ZNF518A: variants seen among roughly 807,000 people sequenced by gnomAD.
The protein encoded by ZNF518A is zinc finger protein 518A.
Under a neutral mutation model 102.7 loss-of-function variants are expected in ZNF518A, and 47 were observed. That is an observed-to-expected ratio of 0.46 (90% CI 0.36 to 0.58). ZNF518A has a LOEUF of 0.58. Among genes scored for constraint, ZNF518A ranks in the 20% least tolerant of loss-of-function variants. ZNF518A has a pLI of 0.00. For missense variants in ZNF518A, 1,793 were observed against 1,699.8 expected, an observed-to-expected ratio of 1.05 and a Z score of -0.96; for synonymous variants, 652 against 594.6, an observed-to-expected ratio of 1.10 and a Z score of -1.40.
intron 1 of ZNF518A, chr10:96,130,964 A>C (rs1169988538): frequency 6.6e-6 from 1 of 152,262 alleles, no homozygotes; most frequent in Non-Finnish European, 1.5e-5. Context: ...AAGTGGACCG[A>C]TCAAACAGAT....
At position 96,151,464 on chromosome 10, in the gene ZNF518A, A is replaced by C. The variant is rs1432536832; in HGVS notation, c.-301-3862A>C. 3 of 152,238 alleles carry C rather than the reference A, an allele frequency of 2.0e-5. No individual in the cohort carries two copies. The East Asian group carries it at 5.8e-4, about 29-fold the overall frequency. The allele number at this position is 152,238 out of a possible 1,614,324, so 9.4% of individuals were successfully genotyped here. A position where few individuals can be genotyped will look rare whatever the true frequency, so the allele number is the denominator to read the frequency against. ...TGTCTGGCCTCTGGATCTAGCTTGA[A>C]GTTCTGGATTCATTTCCTTCTTCCT... On this transcript the variant is annotated intron_variant, in intron 3 of 5. Transcript: ENST00000316045.
At chr10:96,182,755 G>A (rs782482716) in intron 1 of ZNF518A, among the ~76,000 whole-genome samples, 2 of 152,240 alleles carry the variant, frequency 1.3e-5, no homozygotes, top group South Asian at 2.1e-4. Context: ...TTTTTGCATC[G>A]ATATTCATCA....
In ZNF518A at chr10:96,175,877, C is replaced by CCCTTCCTT. The variant is rs782226974; in HGVS notation, n.35+19883_35+19890dup. Reference sequence around the variant, plus strand: ...GTATTCCCTCCCTGCCTCCCTCCCTCCCTTCCTTCCTTCCTTCCTTCCTTC... The same window carrying CCCTTCCTT: ...GTATTCCCTCCCTGCCTCCCTCCCTCCCTTCCTTCCTTCCTTCCTTCCTTCCTTCCTTC... On this transcript the variant is annotated intron_variant and non_coding_transcript_variant, in intron 1 of 2. Transcript: ENST00000442635. Among the ~76,000 whole-genome samples, 246 of 49,686 alleles carry CCCTTCCTT rather than the reference C, an allele frequency of 5.0e-3. 2 individuals are homozygous for CCCTTCCTT. The highest frequency in any genetic ancestry group is 0.012 in the African/African-American group (222 of 18,054). 32.6% of individuals were successfully genotyped at this position (49,686 alleles called of 152,430 possible).
At chr10:96,136,343 T>G (rs1384576577) in intron 3 of ZNF518A, among the ~76,000 whole-genome samples, 1 of 150,852 alleles carries the variant, frequency 6.6e-6, no homozygotes, top group African/African-American at 2.4e-5. Flanking sequence ...TTTATAAATA[T>G]GTATATATAA....
At chr10:96,201,381 C>A (rs1467940980) in intron 1 of ZNF518A, among the ~76,000 whole-genome samples, 3 of 152,154 alleles carry the variant, frequency 2.0e-5, no homozygotes, top group Non-Finnish European at 2.9e-5. Context: ...GTTGCAGTAA[C>A]ATACATTAAA....
Position 96,170,743 on chromosome 10 carries a change from C to A in ZNF518A, n.35+14696C>A, listed in dbSNP as rs78591058. Among the ~76,000 whole-genome samples the A allele has an allele frequency of 1.8e-3, 272 of 152,090 alleles. 1 individual carries two copies. Among genetic ancestry groups the A allele is most frequent in the Non-Finnish European group, 3.0e-3 (206 of 67,996 alleles). ...ACATTATAGATAAATTTAACTTCAT[C>A]GAAATTTGAAAAATATTGCTTCAAT... On this transcript the variant is annotated intron_variant and non_coding_transcript_variant, in intron 1 of 2. Transcript: ENST00000442635.
chr10:96,157,299 C>A lies in ZNF518A; in HGVS notation c.977C>A (p.Thr326Lys). 1.2e-6 allele frequency: 2 copies of A among 1,612,140 alleles called. No homozygotes were observed. Among genetic ancestry groups the A allele is most frequent in the Middle Eastern group, 1.6e-4 (1 of 6,062 alleles). The change falls in exon 6 of 6, where the codon ACG becomes AAG. Residue 326 changes from threonine (T) to lysine (K), a missense_variant. Physicochemically the swap from Thr to Lys is moderately conservative, Grantham distance 78 (BLOSUM62 -1). Transcript: ENST00000316045. ...TATAAAATAGGTGCATCAAGGAAGA[C>A]GTTCTGGAAACGTAAGAAAATTAAC... is the stretch of plus-strand genomic sequence containing the variant. ...KRYKIGASRK[T>K]FWKRKKINSG...
chr10:96,191,831 A>T, intron 1 of ZNF518A: 1 of 1,112,252 alleles, frequency 9.0e-7, no homozygotes, highest in East Asian at 2.4e-5. Context: ...GAAATGGATG[A>T]CCACTTCAAT....
In ZNF518A at chr10:96,161,483, G is replaced by T; in HGVS notation, c.*709G>T. On this transcript the variant is annotated 3_prime_UTR_variant, in exon 6 of 6. Coordinates refer to ENST00000316045, the MANE Select transcript of ZNF518A (RefSeq NM_001330736.2). ...TTGCAGTAGATGGGCAGCTTCAAGAGAAGAATTTAAACTCTTTGTCTCATT... is the reference window on the plus strand; with the variant it reads ...TTGCAGTAGATGGGCAGCTTCAAGATAAGAATTTAAACTCTTTGTCTCATT... The T allele has an allele frequency of 6.0e-6, 1 of 166,890 alleles. No individual in the cohort carries two copies. 10.3% of individuals were successfully genotyped at this position (166,890 alleles called of 1,614,324 possible).
downstream of ZNF518A, among the ~76,000 whole-genome samples, chr10:96,163,928 A>G (rs587655881): frequency 6.6e-6 from 1 of 152,204 alleles, no homozygotes; most frequent in Non-Finnish European, 1.5e-5. Context: ...TAAAATATGT[A>G]TATAAAGTTT....
intron 3 of ZNF518A, among the ~76,000 whole-genome samples, chr10:96,146,875 C>T (rs1345445442): frequency 2.6e-5 from 4 of 152,188 alleles, no homozygotes. Context: ...GAAAAGGTAA[C>T]AGTGCCACTA....
At chr10:96,191,235 C>CTT (rs34920263) in intron 1 of ZNF518A, among the ~76,000 whole-genome samples, 44,510 of 129,950 alleles carry the variant, frequency 0.34, 8,294 homozygotes, top group Middle Eastern at 0.42. Context: ...CATTAAACCT[C>CTT]TTTTTTTTTT....
chr10:96,195,762 T>C (rs1265588694), intron 1 of ZNF518A, among the ~76,000 whole-genome samples: 1 of 152,248 alleles, frequency 6.6e-6, no homozygotes, highest in Non-Finnish European at 1.5e-5. Context: ...TACTGAGCTG[T>C]ACACTTAAAA....
downstream of ZNF518A, among the ~76,000 whole-genome samples, chr10:96,165,935 G>T (rs1012385934): frequency 6.6e-6 from 1 of 152,174 alleles, no homozygotes; most frequent in Non-Finnish European, 1.5e-5. Context: ...GCATGACTCA[G>T]TCGAAGTCCA....
rs187724384 is a variant in ZNF518A, at chr10:96,132,416, T to G, written c.-452-170T>G. Among the ~76,000 whole-genome samples, 15 of 152,092 alleles carry G rather than the reference T, an allele frequency of 9.9e-5. No homozygotes were observed. In the East Asian group the frequency reaches 2.9e-3, roughly 29 times the overall value. ...GCTTTAGGTTGTGACTTTTGCAAAT[T>G]TGTGACATGTTATCACTGGTCATCA... On this transcript the variant is annotated intron_variant, in intron 1 of 5. Coordinates refer to ENST00000316045, the MANE Select transcript of ZNF518A (RefSeq NM_001330736.2).
chr10:96,148,576 T>C (rs1273159117), intron 3 of ZNF518A, among the ~76,000 whole-genome samples: 1 of 136,362 alleles, frequency 7.3e-6, no homozygotes, highest in African/African-American at 2.8e-5. Context: ...GCCTGTCTGC[T>C]TGTGTCTCAG....
intron 3 of ZNF518A, among the ~76,000 whole-genome samples, chr10:96,144,618 T>C (rs2082087093): frequency 6.6e-6 from 1 of 152,118 alleles, no homozygotes; most frequent in South Asian, 2.1e-4. Flanking sequence ...GGTTGTAAGG[T>C]CTAAAAATCT....
At chr10:96,166,108 A>G (rs2083138494), downstream of ZNF518A, among the ~76,000 whole-genome samples, 1 of 152,150 alleles carries the variant, frequency 6.6e-6, no homozygotes, top group Non-Finnish European at 1.5e-5. Flanking sequence ...CTCCTGGGGT[A>G]TGGCGTTAGG....
chr10:96,181,117 G>C (rs1186014872), intron 1 of ZNF518A, among the ~76,000 whole-genome samples: 2 of 152,196 alleles, frequency 1.3e-5, no homozygotes, highest in South Asian at 4.1e-4. Context: ...ACTTTTTCAT[G>C]TGTCTGTTGG....
Sources: allele counts gnomAD v4.1 joint callset (sites outside exome capture counted in the v4.1 genomes callset), GRCh38; gene constraint gnomAD v4.1.1; transcripts MANE v1.5; gene names NCBI Gene and HGNC (gene_info 2026-07-23, HGNC 2026-07-21).